Variants in GLRA2 observed in about 807,000 individuals in gnomAD.
The protein encoded by GLRA2 is glycine receptor subunit alpha-2.
GLRA2 carries 11 observed loss-of-function variants against 31.6 expected under a neutral mutation model. That is an observed-to-expected ratio of 0.35 (90% CI 0.22 to 0.58). The LOEUF is 0.58. GLRA2 is among the 20% of genes least tolerant of loss of function. The pLI is 0.84. For missense variants in GLRA2, 212 were observed against 351.8 expected (o/e 0.60, Z 3.18); for synonymous variants, 132 against 134.0 (o/e 0.99, Z 0.10).
intron 2 of GLRA2, among the ~76,000 whole-genome samples, chrX:14,554,204 G>A (rs1379031811): frequency 2.7e-5 from 3 of 112,088 alleles, no homozygotes; most frequent in Non-Finnish European, 5.6e-5. Flanking sequence ...TTTGCAGTGG[G>A]AAGGCGGCTG....
intron 7 of GLRA2, among the ~76,000 whole-genome samples, chrX:14,686,513 A>AT (rs2091279915): frequency 9.0e-6 from 1 of 111,707 alleles, no homozygotes; most frequent in Admixed American, 9.5e-5. Context: ...TTGGGTGCAT[A>AT]TATCTTTAGG....
At chrX:14,563,762 A>C (rs1042016114) in intron 2 of GLRA2, among the ~76,000 whole-genome samples, 3 of 111,016 alleles carry the variant, frequency 2.7e-5, no homozygotes, top group Non-Finnish European at 5.7e-5. Context: ...TGAGAATATC[A>C]ATAAAGAAAT....
intron 2 of GLRA2, among the ~76,000 whole-genome samples, chrX:14,564,382 G>A (rs2089774290): frequency 9.0e-6 from 1 of 110,753 alleles, no homozygotes; most frequent in Non-Finnish European, 1.9e-5. Context: ...CAACAAATGA[G>A]GGAGAAATTA....
At chrX:14,713,089 T>C (rs941502866) in intron 8 of GLRA2, among the ~76,000 whole-genome samples, 6 of 111,941 alleles carry the variant, frequency 5.4e-5, no homozygotes, top group African/African-American at 1.6e-4. Flanking sequence ...TGTGGATATA[T>C]ATAGAGAGAG....
intron 7 of GLRA2, among the ~76,000 whole-genome samples, chrX:14,686,168 T>G (rs1034726038): frequency 8.9e-6 from 1 of 112,163 alleles, no homozygotes; most frequent in African/African-American, 3.2e-5. Flanking sequence ...TGCACTGTGG[T>G]CTGAGAGACA....
chrX:14,658,920 A>C (rs934776624), intron 7 of GLRA2, among the ~76,000 whole-genome samples: 4 of 112,301 alleles, frequency 3.6e-5, no homozygotes, highest in African/African-American at 1.3e-4. Flanking sequence ...AGAGACGGTT[A>C]TCTCTTACCC....
the GLRA2 span, among the ~76,000 whole-genome samples, chrX:14,522,232 A>G: frequency 8.9e-6 from 1 of 112,509 alleles, no homozygotes; most frequent in African/African-American, 3.2e-5. Flanking sequence ...AGTTGATTCT[A>G]ACTCAAGAAA....
the GLRA2 span, among the ~76,000 whole-genome samples, chrX:14,449,322 T>G: frequency 8.9e-6 from 1 of 112,303 alleles, no homozygotes; most frequent in South Asian, 3.6e-4. Context: ...ACTGTGGACC[T>G]CTGGGATCCT....
chrX:14,589,426 G>A (rs1248530025), intron 4 of GLRA2, among the ~76,000 whole-genome samples: 2 of 106,309 alleles, frequency 1.9e-5, no homozygotes, highest in African/African-American at 6.9e-5. Flanking sequence ...TTGGGAGGCC[G>A]AGATGGGTGG....
chrX:14,684,761 A>T (rs769090942), intron 7 of GLRA2, among the ~76,000 whole-genome samples: 2 of 111,791 alleles, frequency 1.8e-5, no homozygotes, highest in South Asian at 7.5e-4. Flanking sequence ...TCATCTACAA[A>T]CAGGGACAAT....
intron 7 of GLRA2, among the ~76,000 whole-genome samples, chrX:14,670,221 T>C (rs2091076694): frequency 8.9e-6 from 1 of 111,826 alleles, no homozygotes; most frequent in South Asian, 3.8e-4. Flanking sequence ...ACCTTATTGT[T>C]CATATCACTA....
chrX:14,629,306 G>T (rs1308405788), intron 7 of GLRA2, among the ~76,000 whole-genome samples: 1 of 111,648 alleles, frequency 9.0e-6, no homozygotes, highest in Non-Finnish European at 1.9e-5. Context: ...AAAGCACTGG[G>T]AGCACAAGAA....
rs190851187 is a variant in GLRA2 at position 14,663,098 on chromosome X, T to A, written c.931-27612T>A. Among the ~76,000 whole-genome samples the A allele has an allele frequency of 7.4e-3, 820 of 111,439 alleles. 7 individuals carry two copies. The highest frequency in any genetic ancestry group is 0.012 in the Non-Finnish European group (630 of 52,909). On this transcript the variant is annotated intron_variant, in intron 7 of 8. Transcript: ENST00000218075. ...CCATGTTACCATCTCCTTTCTAATT[T>A]GTATACCTTTAGTTATTTTTCCTAA...
the GLRA2 span, among the ~76,000 whole-genome samples, chrX:14,472,314 G>A: frequency 8.9e-6 from 1 of 112,078 alleles, no homozygotes; most frequent in Non-Finnish European, 1.9e-5. Context: ...AGAGCACTGG[G>A]GATAGCAGTA....
chrX:14,460,767 C>A, the GLRA2 span, among the ~76,000 whole-genome samples: 4 of 111,201 alleles, frequency 3.6e-5, no homozygotes, highest in African/African-American at 1.3e-4. Context: ...ATTAGTCTTG[C>A]TAGTGGTCTA....
At chrX:14,707,885 A>G (rs145761943) in intron 8 of GLRA2, among the ~76,000 whole-genome samples, 2 of 110,615 alleles carry the variant, frequency 1.8e-5, no homozygotes, top group Non-Finnish European at 3.8e-5. Context: ...CGACTTGATG[A>G]TTTGATATAT....
At chrX:14,726,337 A>G (rs1309620827) in intron 8 of GLRA2, among the ~76,000 whole-genome samples, 1 of 112,333 alleles carries the variant, frequency 8.9e-6, no homozygotes, top group Non-Finnish European at 1.9e-5. Context: ...TGAATACCAT[A>G]AAGTTCTATA....
rs2089233690 is a variant in GLRA2, at chrX:14,530,065, G to A, written c.8G>A (p.Arg3Gln). The change falls in exon 1 of 9, where the codon CGG becomes CAG. Residue 3 changes from arginine to glutamine, a missense_variant. Arg to Gln is a conservative substitution (Grantham distance 43). Around this residue, in one of 5 missense-constraint regions of GLRA2, gnomAD observed 33 missense variants for 27.7 expected, o/e 1.19. Coordinates refer to ENST00000218075, the MANE Select transcript of GLRA2 (RefSeq NM_002063.4). MNRQLVNILTALF... is the reference protein window; with the variant it reads MNQQLVNILTALF... ...AGCAACACAGAAACAGGAATGAACC[G>A]GCAGCTAGTGAACATTTTGACAGCC... 3 of 1,197,889 alleles carry A rather than the reference G, an allele frequency of 2.5e-6. No individual in the cohort carries two copies. Among genetic ancestry groups the A allele is most frequent in the South Asian group, 3.5e-5 (2 of 56,651 alleles).
At chrX:14,494,907 G>A in the GLRA2 span, among the ~76,000 whole-genome samples, 1 of 111,693 alleles carries the variant, frequency 9.0e-6, no homozygotes, top group Non-Finnish European at 1.9e-5. Flanking sequence ...CTGAGTATGA[G>A]GGCCGCCACA....
Sources: gnomAD v4.1 joint callset for allele counts (sites outside exome capture counted in the v4.1 genomes callset) on GRCh38, gnomAD v4.1.1 for gene constraint, gnomAD v4.1.1 regional missense constraint, MANE v1.5 for transcripts, NCBI Gene and HGNC (gene_info 2026-07-23, HGNC 2026-07-21) for gene names.